Variants in HCRTR2 observed in about 807,000 individuals in gnomAD.
HCRTR2 encodes the protein orexin receptor type 2.
In HCRTR2, 22 loss-of-function variants were observed where a neutral mutation model predicts 49.0. That is an observed-to-expected ratio of 0.45 (90% CI 0.32 to 0.64). HCRTR2 has a LOEUF of 0.64. Among genes scored for constraint, HCRTR2 ranks in the 30% least tolerant of loss-of-function variants. The pLI is 0.04. For synonymous variants in HCRTR2, 236 were observed against 205.3 expected (o/e 1.15, Z -1.28); for missense variants, 491 against 559.4 (o/e 0.88, Z 1.23).
At chr6:55,164,943 T>C (rs1463658965) in intron 1 of HCRTR2, among the ~76,000 whole-genome samples, 1 of 152,100 alleles carries the variant, frequency 6.6e-6, no homozygotes, top group African/African-American at 2.4e-5. Context: ...AATTCAGACT[T>C]CTATCAGATA....
intron 1 of HCRTR2, among the ~76,000 whole-genome samples, chr6:55,120,538 C>T (rs1385203805): frequency 1.3e-4 from 19 of 151,044 alleles, no homozygotes; most frequent in Admixed American, 1.3e-3. Context: ...GGAGTTCACT[C>T]ATGATTTGGC....
chr6:55,204,489 G>C (rs1765566103), intron 1 of HCRTR2, among the ~76,000 whole-genome samples: 1 of 151,920 alleles, frequency 6.6e-6, no homozygotes, highest in South Asian at 2.1e-4. Flanking sequence ...GCTAATACTG[G>C]GGCAAAGAGT....
downstream of HCRTR2, among the ~76,000 whole-genome samples, chr6:55,283,425 C>CT (rs869236156): frequency 8.0e-4 from 118 of 147,872 alleles, no homozygotes; most frequent in Middle Eastern, 3.5e-3. Context: ...CGCAGTTGCA[C>CT]TTTTTTTTTT....
Position 55,233,095 on chromosome 6 carries a change from C to CTTT in HCRTR2, c.224-15533_224-15531dup, listed in dbSNP as rs144244052. Among the ~76,000 whole-genome samples the CTTT allele has an allele frequency of 2.3e-4, 33 of 144,440 alleles. 1 individual carries two copies. Among genetic ancestry groups the CTTT allele is most frequent in the Admixed American group, 5.5e-4 (8 of 14,502 alleles). The allele number at this position is 144,440 out of a possible 152,430, so 94.8% of individuals were successfully genotyped here. Reference sequence around the variant, plus strand: ...GATTTTTGAAAAATGAATAAAGCTGCTTTTTTTTTTTTTGATGGTGTCTTG... The same window carrying CTTT: ...GATTTTTGAAAAATGAATAAAGCTGCTTTTTTTTTTTTTTTTGATGGTGTCTTG... On this transcript the variant is annotated intron_variant, in intron 1 of 6. Coordinates refer to ENST00000370862, the MANE Select transcript of HCRTR2 (RefSeq NM_001384272.1).
intron 1 of HCRTR2, among the ~76,000 whole-genome samples, chr6:55,183,246 T>TAG (rs1765163249): frequency 6.6e-6 from 1 of 152,144 alleles, no homozygotes; most frequent in South Asian, 2.1e-4. Flanking sequence ...GCTGGGGGAT[T>TAG]AGAGAGAGAT....
chr6:55,273,835 A>G (rs1031194986), intron 4 of HCRTR2, among the ~76,000 whole-genome samples: 3 of 151,992 alleles, frequency 2.0e-5, no homozygotes, highest in African/African-American at 4.8e-5. Flanking sequence ...TTGCCCAGGT[A>G]CTTTTTAAGT....
chr6:55,141,238 G>A (rs981153166), intron 1 of HCRTR2, among the ~76,000 whole-genome samples: 8 of 151,882 alleles, frequency 5.3e-5, no homozygotes, highest in African/African-American at 9.7e-5. Context: ...CCTGCTACTC[G>A]GGAGGCTGAG....
At chr6:55,171,069 T>A (rs1160371754), upstream of HCRTR2, among the ~76,000 whole-genome samples, 1 of 152,152 alleles carries the variant, frequency 6.6e-6, no homozygotes, top group Admixed American at 6.5e-5. Context: ...TATAGCAGCA[T>A]GATTTATAAT....
intron 1 of HCRTR2, among the ~76,000 whole-genome samples, chr6:55,142,192 TA>T (rs202092811): frequency 2.6e-4 from 39 of 151,584 alleles, no homozygotes; most frequent in African/African-American, 6.8e-4. Context: ...ACTGACCATT[TA>T]AAAAAAAATT....
intron 1 of HCRTR2, among the ~76,000 whole-genome samples, chr6:55,126,047 C>T (rs1373418530): frequency 6.6e-6 from 1 of 152,160 alleles, no homozygotes; most frequent in African/African-American, 2.4e-5. Context: ...AGCTTCCTTG[C>T]ATTGGGTTAG....
chr6:55,155,448 A>G (rs1764717724), intron 1 of HCRTR2, among the ~76,000 whole-genome samples: 2 of 152,024 alleles, frequency 1.3e-5, no homozygotes, highest in African/African-American at 4.8e-5. Flanking sequence ...TTGCACAAAA[A>G]GCCAACGGAG....
chr6:55,107,802 T>C (rs1023262648), intron 1 of HCRTR2, among the ~76,000 whole-genome samples: 1 of 152,160 alleles, frequency 6.6e-6, no homozygotes, highest in African/African-American at 2.4e-5. Flanking sequence ...ATCTACTCAT[T>C]GTAATTAGAT....
chr6:55,183,208 G>C (rs1439365928), intron 1 of HCRTR2, among the ~76,000 whole-genome samples: 2 of 152,212 alleles, frequency 1.3e-5, no homozygotes, highest in Non-Finnish European at 1.5e-5. Flanking sequence ...GAATGTAGTG[G>C]AAGTATTTGA....
intron 6 of HCRTR2, 40 bp downstream of exon 6, chr6:55,280,484 C>T: frequency 1.2e-6 from 2 of 1,608,790 alleles, no homozygotes; most frequent in Non-Finnish European, 8.5e-7. Context: ...ACAATTGTAA[C>T]CAAGGATGAG....
At chr6:55,185,200 T>G (rs543345559) in intron 1 of HCRTR2, among the ~76,000 whole-genome samples, 170 of 152,300 alleles carry the variant, frequency 1.1e-3, no homozygotes, top group African/African-American at 4.0e-3. Context: ...TAAAAATACA[T>G]TAACAAATCT....
chr6:55,171,618 T>C (rs1706810096), upstream of HCRTR2, among the ~76,000 whole-genome samples: 1 of 152,200 alleles, frequency 6.6e-6, no homozygotes, highest in Non-Finnish European at 1.5e-5. Flanking sequence ...GAGTACCACA[T>C]ATTTAGAAGA....
At chr6:55,266,080 T>G (rs1214699466) in intron 4 of HCRTR2, among the ~76,000 whole-genome samples, 1 of 152,156 alleles carries the variant, frequency 6.6e-6, no homozygotes, top group Non-Finnish European at 1.5e-5. Flanking sequence ...ACAAGCTTGC[T>G]TAGATGAATT....
chr6:55,179,371 T>G (rs1765093341), intron 1 of HCRTR2, among the ~76,000 whole-genome samples: 1 of 152,200 alleles, frequency 6.6e-6, no homozygotes, highest in Non-Finnish European at 1.5e-5. Context: ...TATTAGGCTT[T>G]AAACCTATTG....
chr6:55,176,900 T>G (rs888146882), intron 1 of HCRTR2, among the ~76,000 whole-genome samples: 1 of 152,150 alleles, frequency 6.6e-6, no homozygotes, highest in African/African-American at 2.4e-5. Context: ...AAGCAGTAAT[T>G]TTTTTATGAA....
Sources: gnomAD v4.1 joint callset for allele counts (sites outside exome capture counted in the v4.1 genomes callset) on GRCh38, gnomAD v4.1.1 for gene constraint, MANE v1.5 for transcripts, NCBI Gene and HGNC (gene_info 2026-07-23, HGNC 2026-07-21) for gene names.